The following ACVR1C variants were observed in gnomAD, a reference collection of about 807,000 sequenced individuals.
ACVR1C encodes activin A receptor type 1C.
A neutral mutation model predicts 57.9 loss-of-function variants in ACVR1C; 23 were observed. That is an observed-to-expected ratio of 0.40 (90% CI 0.29 to 0.56). The LOEUF (loss-of-function observed/expected upper bound fraction) is 0.56, where lower values mean the gene tolerates loss of function less well. ACVR1C is among the 20% of genes least tolerant of loss of function. The pLI is 0.50. For missense variants in ACVR1C, 480 were observed against 607.9 expected (o/e 0.79, Z 2.21); for synonymous variants, 214 against 215.3 (o/e 0.99, Z 0.05).
chr2:157,606,802 T>C (rs1298119479), intron 1 of ACVR1C, among the ~76,000 whole-genome samples: 3 of 151,718 alleles, frequency 2.0e-5, no homozygotes, highest in South Asian at 4.2e-4. Flanking sequence ...ATACAGAAAC[T>C]TTTTTTAGTT....
intron 1 of ACVR1C, among the ~76,000 whole-genome samples, chr2:157,622,889 G>T (rs1225438604): frequency 1.3e-4 from 20 of 151,956 alleles, no homozygotes. Flanking sequence ...GAATATATAA[G>T]GAGCTAAAAT....
chr2:157,574,557 C>G (rs1688598637), intron 2 of ACVR1C, among the ~76,000 whole-genome samples: 1 of 150,916 alleles, frequency 6.6e-6, no homozygotes, highest in Admixed American at 6.6e-5. Flanking sequence ...CTGTGTAGAT[C>G]AAATAAAACC....
chr2:157,617,790 A>T (rs1451528076), intron 1 of ACVR1C, among the ~76,000 whole-genome samples: 1 of 151,914 alleles, frequency 6.6e-6, no homozygotes, highest in Non-Finnish European at 1.5e-5. Context: ...TATATATATG[A>T]TAAGGCAAAA....
At chr2:157,542,682 T>C (rs1285580929) in intron 6 of ACVR1C, 24 bp downstream of exon 6, 1 of 1,607,158 alleles carries the variant, frequency 6.2e-7, no homozygotes. Context: ...CATCTTACTA[T>C]GCTACCCAAG....
At chr2:157,578,153 C>T (rs916505059) in intron 2 of ACVR1C, among the ~76,000 whole-genome samples, 1 of 152,232 alleles carries the variant, frequency 6.6e-6, no homozygotes, top group East Asian at 1.9e-4. Context: ...AACACTCCCA[C>T]CTCGGCCTCT....
At chr2:157,541,051 A>G in intron 7 of ACVR1C, 39 bp downstream of exon 7, 1 of 1,600,774 alleles carries the variant, frequency 6.2e-7, no homozygotes, top group Non-Finnish European at 8.5e-7. Flanking sequence ...TCAGAGTATC[A>G]AGGAAAGGCA....
At chr2:157,583,102 CT>C (rs1381363363) in intron 2 of ACVR1C, among the ~76,000 whole-genome samples, 1 of 152,154 alleles carries the variant, frequency 6.6e-6, no homozygotes. Context: ...CTCAAGTGAT[CT>C]GCCCACCGTA....
chr2:157,573,481 C>G (rs557713396), intron 2 of ACVR1C, among the ~76,000 whole-genome samples: 1 of 151,694 alleles, frequency 6.6e-6, no homozygotes, highest in Non-Finnish European at 1.5e-5. Flanking sequence ...CTACACTTAC[C>G]CTTTTAAGCA....
intron 1 of ACVR1C, among the ~76,000 whole-genome samples, chr2:157,598,325 T>A (rs1558992392): frequency 2.0e-5 from 3 of 151,596 alleles, no homozygotes; most frequent in Non-Finnish European, 4.4e-5. Context: ...TATATACAAT[T>A]ATGATTTGTT....
intron 7 of ACVR1C, 152 bp downstream of exon 7, chr2:157,540,938 T>A (rs1353381590): frequency 1.1e-6 from 1 of 931,974 alleles, no homozygotes; most frequent in African/African-American, 1.7e-5. Context: ...GATATCCCAC[T>A]TTTGCCACTG....
chr2:157,572,329 C>A (rs1484406164), intron 2 of ACVR1C, among the ~76,000 whole-genome samples: 5 of 143,492 alleles, frequency 3.5e-5, no homozygotes, highest in African/African-American at 1.3e-4. Context: ...AACTAACCTG[C>A]ACAATGTGCA....
At chr2:157,610,797 A>G (rs1682514607) in intron 1 of ACVR1C, among the ~76,000 whole-genome samples, 1 of 151,854 alleles carries the variant, frequency 6.6e-6, no homozygotes, top group Admixed American at 6.6e-5. Context: ...AAGTTCTGAG[A>G]TTATTTCTTC....
chr2:157,588,858 T>TATATATAC lies in ACVR1C; in HGVS notation c.74-1442_74-1441insGTATATAT, dbSNP rs1553484228. 2.9e-5 allele frequency among the ~76,000 whole-genome samples: 4 copies of TATATATAC among 135,980 alleles called. 1 individual carries two copies. The highest frequency in any genetic ancestry group is 1.2e-4 in the African/African-American group (4 of 33,334). 89.2% of individuals were successfully genotyped at this position (135,980 alleles called of 152,430 possible). Reference sequence around the variant, plus strand: ...CATACACAAACACACCATATATATATATATATATATATATATATATACGTG... The same window carrying TATATATAC: ...CATACACAAACACACCATATATATATATATATACATATATATATATATATATATACGTG... On this transcript the variant is annotated intron_variant, in intron 1 of 8. Transcript: ENST00000243349.
At chr2:157,606,329 G>C (rs1682396145) in intron 1 of ACVR1C, among the ~76,000 whole-genome samples, 1 of 151,856 alleles carries the variant, frequency 6.6e-6, no homozygotes, top group Non-Finnish European at 1.5e-5. Context: ...TAGTGGGATT[G>C]CTGGATTGAA....
chr2:157,551,854 TATAAGCACAGGCTAA>T (rs903112350), intron 3 of ACVR1C, among the ~76,000 whole-genome samples: 3 of 152,206 alleles, frequency 2.0e-5, no homozygotes, highest in Non-Finnish European at 2.9e-5. Flanking sequence ...CATATGGACA[TATAAGCACAGGCTAA>T]ATAAGCACAG....
chr2:157,558,206 G>C (rs938631357), intron 2 of ACVR1C, among the ~76,000 whole-genome samples: 2 of 152,162 alleles, frequency 1.3e-5, no homozygotes, highest in African/African-American at 4.8e-5. Flanking sequence ...TGCCTCCCCA[G>C]ATGATTCTTC....
In ACVR1C at chr2:157,528,028, T is replaced by C. The variant is rs958252435; in HGVS notation, c.*5890A>G. 6.6e-6 allele frequency: 1 copy of C among 152,200 alleles called. No homozygotes were observed. Among genetic ancestry groups the C allele is most frequent in the Non-Finnish European group, 1.5e-5 (1 of 68,034 alleles). 9.4% of individuals were successfully genotyped at this position (152,200 alleles called of 1,614,324 possible). A position where few individuals can be genotyped will look rare whatever the true frequency, so the allele number is the denominator to read the frequency against. On this transcript the variant is annotated 3_prime_UTR_variant, in exon 9 of 9. Coordinates refer to ENST00000243349, the MANE Select transcript of ACVR1C (RefSeq NM_145259.3). ...TGAAAAGATAAAGTATTATTTCTTCTAAGTTCTTTGTTCAATCTGTAGATG... is the reference window on the plus strand; with the variant it reads ...TGAAAAGATAAAGTATTATTTCTTCCAAGTTCTTTGTTCAATCTGTAGATG...
chr2:157,565,992 C>A (rs1361727934), intron 2 of ACVR1C, among the ~76,000 whole-genome samples: 1 of 152,132 alleles, frequency 6.6e-6, no homozygotes, highest in Admixed American at 6.5e-5. Context: ...CAGAGGTAAG[C>A]TTAATAAAAT....
intron 2 of ACVR1C, among the ~76,000 whole-genome samples, chr2:157,581,024 G>A (rs1688777056): frequency 6.6e-6 from 1 of 152,110 alleles, no homozygotes; most frequent in Non-Finnish European, 1.5e-5. Flanking sequence ...CAGGCTTAGA[G>A]TCAGAATTCA....
Sources: allele counts gnomAD v4.1 joint callset (sites outside exome capture counted in the v4.1 genomes callset), GRCh38; gene constraint gnomAD v4.1.1; transcripts MANE v1.5; gene names NCBI Gene and HGNC (gene_info 2026-07-23, HGNC 2026-07-21).